Variants in CCDC57 observed in about 807,000 individuals in gnomAD.
CCDC57 encodes coiled-coil domain containing 57, also known as coiled-coil domain-containing protein 57.
In CCDC57, 118 loss-of-function variants were observed where a neutral mutation model predicts 118.9. That is an observed-to-expected ratio of 0.99 (90% confidence interval 0.86 to 1.16). The LOEUF (loss-of-function observed/expected upper bound fraction) is 1.16. Among genes scored for constraint, CCDC57 ranks in the 50% most tolerant of loss-of-function variants. CCDC57 has a pLI of 0.00. For synonymous variants in CCDC57, 527 were observed against 532.9 expected, an observed-to-expected ratio of 0.99 and a Z score of 0.15; for missense variants, 1,300 against 1,320.7, an observed-to-expected ratio of 0.98 and a Z score of 0.24.
rs1325996740 is a variant in CCDC57 at position 82,178,681 on chromosome 17, C to A, written c.1375-76G>T. ...CATGCCTGCTGAGGCTCCAATGGCA[C>A]ACATAGGTGGGAGATGCTCAGAGCA... On this transcript the variant is annotated intron_variant, in intron 10 of 19. Transcript: ENST00000665763. 13 of 1,559,106 alleles carry A rather than the reference C, an allele frequency of 8.3e-6. No homozygotes were observed. The East Asian group carries it at 2.7e-4, about 32-fold the overall frequency.
At chr17:82,206,232 C>G (rs957751800) in intron 2 of CCDC57, among the ~76,000 whole-genome samples, 1 of 152,252 alleles carries the variant, frequency 6.6e-6, no homozygotes, top group African/African-American at 2.4e-5. Context: ...CTTTGATTTT[C>G]TCATTTTAAA....
At chr17:82,105,313 C>T (rs1203648307) in intron 19 of CCDC57, among the ~76,000 whole-genome samples, 1 of 152,174 alleles carries the variant, frequency 6.6e-6, no homozygotes, top group Non-Finnish European at 1.5e-5. Context: ...TCTGCTGAAC[C>T]CCCTCTGGCT....
intron 19 of CCDC57, among the ~76,000 whole-genome samples, chr17:82,107,898 G>A (rs1032381739): frequency 6.6e-6 from 1 of 152,178 alleles, no homozygotes; most frequent in Non-Finnish European, 1.5e-5. Flanking sequence ...AAAGAAAGGG[G>A]GTGGGCTCCA....
chr17:82,135,804 A>C (rs2039069758), intron 16 of CCDC57, among the ~76,000 whole-genome samples: 1 of 102,932 alleles, frequency 9.7e-6, no homozygotes, highest in African/African-American at 3.6e-5. Flanking sequence ...TCACACCTGT[A>C]ACCCCAGCAC....
chr17:82,123,714 C>CA (rs1276396258), intron 19 of CCDC57, among the ~76,000 whole-genome samples: 5 of 151,610 alleles, frequency 3.3e-5, no homozygotes, highest in African/African-American at 1.2e-4. Context: ...CAGTAACAGA[C>CA]AAAAAAATAA....
intron 19 of CCDC57, among the ~76,000 whole-genome samples, chr17:82,116,023 T>C (rs921577918): frequency 3.3e-5 from 5 of 150,046 alleles, no homozygotes; most frequent in Non-Finnish European, 7.4e-5. Flanking sequence ...GGTCTTGAAC[T>C]CCTGACCTCA....
At chr17:82,137,837 C>A (rs1007620589) in intron 16 of CCDC57, among the ~76,000 whole-genome samples, 3 of 151,644 alleles carry the variant, frequency 2.0e-5, no homozygotes, top group African/African-American at 4.8e-5. Context: ...CCATGCCTGG[C>A]TAATTTTTGT....
chr17:82,204,748 A>G (rs566252087), intron 2 of CCDC57, among the ~76,000 whole-genome samples: 1 of 152,240 alleles, frequency 6.6e-6, no homozygotes, highest in East Asian at 1.9e-4. Flanking sequence ...GCACCACTGC[A>G]GTCCGGCCTG....
At chr17:82,105,040 C>G (rs1169346728) in intron 19 of CCDC57, 1 of 152,466 alleles carries the variant, frequency 6.6e-6, no homozygotes, top group East Asian at 1.9e-4. Flanking sequence ...CCAAGTTGGC[C>G]TCTGGTGGCT....
intron 11 of CCDC57, among the ~76,000 whole-genome samples, chr17:82,176,053 T>C (rs2045428181): frequency 6.6e-6 from 1 of 152,176 alleles, no homozygotes; most frequent in East Asian, 1.9e-4. Context: ...TTGTCTGACA[T>C]AATGTAAAAG....
At chr17:82,170,999 C>G (rs193178921) in intron 13 of CCDC57, among the ~76,000 whole-genome samples, 66 of 152,284 alleles carry the variant, frequency 4.3e-4, no homozygotes, top group African/African-American at 1.6e-3. Flanking sequence ...AGACGCCAGA[C>G]AGAAGCACAG....
At chr17:82,190,639 G>A (rs2047552349) in intron 7 of CCDC57, among the ~76,000 whole-genome samples, 2 of 147,244 alleles carry the variant, frequency 1.4e-5, no homozygotes, top group Non-Finnish European at 1.5e-5. Context: ...AGGTTGCAGC[G>A]AGCTGAGATT....
At position 82,172,270 on chromosome 17, in the gene CCDC57, G is replaced by A. The variant is rs1226424494; in HGVS notation, c.1729+368C>T. The stretch of plus-strand genomic sequence containing the variant: ...GGGTCGGGAGGCCCTCATCAGCTCT[G>A]CCACAGACGCTCCTCTGGAGGAAAG... On this transcript the variant is annotated intron_variant, in intron 12 of 19. Coordinates refer to ENST00000665763, the Ensembl canonical transcript of CCDC57. The surrounding 1 kb of genome is among the most constrained non-coding windows in gnomAD (Gnocchi z 5.2). Among the ~76,000 whole-genome samples the A allele has an allele frequency of 1.3e-5, 2 of 152,154 alleles. No individual in the cohort carries two copies. Among genetic ancestry groups the A allele is most frequent in the Non-Finnish European group, 2.9e-5 (2 of 68,024 alleles).
chr17:82,115,499 G>T (rs1331995194), intron 19 of CCDC57, among the ~76,000 whole-genome samples: 1 of 152,180 alleles, frequency 6.6e-6, no homozygotes, highest in African/African-American at 2.4e-5. Flanking sequence ...GGCCAGGCAT[G>T]GTGGCTTACG....
chr17:82,105,304 C>T (rs1019891061), intron 19 of CCDC57, among the ~76,000 whole-genome samples: 5 of 152,194 alleles, frequency 3.3e-5, no homozygotes, highest in African/African-American at 1.2e-4. Flanking sequence ...GGCCCTTGTT[C>T]TGCTGAACCC....
chr17:82,157,737 C>A lies in CCDC57; in HGVS notation c.2241+11G>T, dbSNP rs565028111. 27 of 1,573,270 alleles carry A rather than the reference C, an allele frequency of 1.7e-5. No individual in the cohort carries two copies. Among genetic ancestry groups the A allele is most frequent in the Admixed American group, 3.6e-5 (2 of 55,094 alleles). ...CTCGGCGGGTGGCAGGAGGAGCTAG[C>A]GGGCACCCACCTCTCTCCCAAGGGC... On this transcript the variant is annotated intron_variant, in intron 15 of 19. Transcript: ENST00000665763.
chr17:82,161,110 G>A (rs950414329), intron 14 of CCDC57, among the ~76,000 whole-genome samples: 3 of 152,078 alleles, frequency 2.0e-5, no homozygotes, highest in Non-Finnish European at 4.4e-5. Flanking sequence ...GACGATGCTC[G>A]ACACCAGGAG....
At chr17:82,185,193 G>A (rs2046782325) in intron 8 of CCDC57, 2 of 152,442 alleles carry the variant, frequency 1.3e-5, no homozygotes, top group Admixed American at 6.5e-5. Context: ...CTCACCACAA[G>A]AGCGTAAATG....
At chr17:82,182,834 A>G (rs1373379000) in intron 9 of CCDC57, among the ~76,000 whole-genome samples, 1 of 149,252 alleles carries the variant, frequency 6.7e-6, no homozygotes, top group African/African-American at 2.5e-5. Flanking sequence ...TACAGGCGTG[A>G]GCCACCATGC....
Sources: allele counts gnomAD v4.1 joint callset (sites outside exome capture counted in the v4.1 genomes callset), GRCh38; gene constraint gnomAD v4.1.1; non-coding constraint Gnocchi (gnomAD v3.1); transcripts MANE v1.5; gene names NCBI Gene and HGNC (gene_info 2026-07-23, HGNC 2026-07-21).